The following HDAC9 variants were observed in gnomAD, a reference collection of about 807,000 sequenced individuals.
HDAC9 encodes the protein MEF-2 interacting transcription repressor (MITR) protein.
A neutral mutation model predicts 139.4 loss-of-function variants in HDAC9; 41 were observed. The ratio of observed to expected loss-of-function variants is 0.29; its 90% confidence interval spans 0.23 to 0.38. HDAC9 has a LOEUF of 0.38. Among genes scored for constraint, HDAC9 ranks in the 10% least tolerant of loss-of-function variants. The pLI is 1.00. For missense variants in HDAC9, 1,147 were observed against 1,297.0 expected, an observed-to-expected ratio of 0.88 and a Z score of 1.78; for synonymous variants, 517 against 476.2, an observed-to-expected ratio of 1.09 and a Z score of -1.12.
chr7:18,405,167 A>G (rs1317141703), intron 1 of HDAC9, among the ~76,000 whole-genome samples: 7 of 152,222 alleles, frequency 4.6e-5, no homozygotes, highest in Non-Finnish European at 8.8e-5. Context: ...CAAAGTTATA[A>G]CAAAATAACA....
chr7:18,357,330 C>T (rs903546062), intron 1 of HDAC9, among the ~76,000 whole-genome samples: 9 of 152,068 alleles, frequency 5.9e-5, no homozygotes, highest in Admixed American at 6.5e-5. Flanking sequence ...TTAAAAAAAT[C>T]GTATTTGGGT....
intron 1 of HDAC9, among the ~76,000 whole-genome samples, chr7:18,301,831 T>G (rs1307108910): frequency 6.6e-6 from 1 of 152,226 alleles, no homozygotes; most frequent in African/African-American, 2.4e-5. Flanking sequence ...TCTTGTTAAT[T>G]AGATGTTCTC....
intron 1 of HDAC9, among the ~76,000 whole-genome samples, chr7:18,435,079 A>AAAAAAAAAC (rs1477121221): frequency 6.6e-6 from 1 of 151,430 alleles, no homozygotes; most frequent in African/African-American, 2.4e-5. Flanking sequence ...AAAAAAAAAA[A>AAAAAAAAAC]AAGAACAAGA....
At chr7:18,434,340 C>T (rs535822381) in intron 1 of HDAC9, among the ~76,000 whole-genome samples, 27 of 152,194 alleles carry the variant, frequency 1.8e-4, no homozygotes, top group African/African-American at 6.5e-4. Flanking sequence ...GGGCATAGGC[C>T]CTGGCAAAGA....
At chr7:18,846,884 G>C (rs1323752740) in intron 21 of HDAC9, among the ~76,000 whole-genome samples, 1 of 152,192 alleles carries the variant, frequency 6.6e-6, no homozygotes, top group Non-Finnish European at 1.5e-5. Context: ...AAACAGATAA[G>C]ATAATTGGCT....
intron 7 of HDAC9, among the ~76,000 whole-genome samples, chr7:18,629,898 A>G (rs568468664): frequency 1.3e-5 from 2 of 152,300 alleles, no homozygotes; most frequent in African/African-American, 4.8e-5. Context: ...ATTAAACTAC[A>G]TGGAACAGCA....
chr7:18,583,098 G>C (rs866279916), intron 2 of HDAC9, among the ~76,000 whole-genome samples: 5 of 152,052 alleles, frequency 3.3e-5, no homozygotes, highest in Admixed American at 6.5e-5. Context: ...AGTAGAAATT[G>C]TGTGCCATTT....
intron 2 of HDAC9, among the ~76,000 whole-genome samples, chr7:18,576,561 C>G (rs982127416): frequency 6.6e-6 from 1 of 150,872 alleles, no homozygotes; most frequent in South Asian, 2.1e-4. Context: ...ACTCGGGAGG[C>G]TGATGCAGGA....
chr7:18,343,119 GAC>G (rs771850318), intron 1 of HDAC9, among the ~76,000 whole-genome samples: 1 of 151,774 alleles, frequency 6.6e-6, no homozygotes, highest in Non-Finnish European at 1.5e-5. Context: ...TGTCAAGGAA[GAC>G]ACACATTTAT....
intron 21 of HDAC9, among the ~76,000 whole-genome samples, chr7:18,871,055 A>G (rs969168933): frequency 6.6e-6 from 1 of 152,090 alleles, no homozygotes; most frequent in Non-Finnish European, 1.5e-5. Context: ...CAATTCTTCT[A>G]CATTTATTAG....
chr7:18,785,768 G>T (rs996174625), intron 16 of HDAC9, among the ~76,000 whole-genome samples: 2 of 151,862 alleles, frequency 1.3e-5, no homozygotes, highest in African/African-American at 2.4e-5. Flanking sequence ...ATTACTATGG[G>T]CTAACAGCTC....
At chr7:18,617,188 A>C (rs78995120) in intron 6 of HDAC9, among the ~76,000 whole-genome samples, 221 of 152,202 alleles carry the variant, frequency 1.5e-3, no homozygotes, top group East Asian at 0.012. Flanking sequence ...TGATTCCATC[A>C]TACTCCTGTC....
intron 2 of HDAC9, among the ~76,000 whole-genome samples, chr7:18,497,650 G>A (rs1023870579): frequency 6.6e-6 from 1 of 152,072 alleles, no homozygotes; most frequent in Non-Finnish European, 1.5e-5. Context: ...AGCTGACAAG[G>A]GCTCCGGGAG....
intron 2 of HDAC9, among the ~76,000 whole-genome samples, chr7:18,247,534 A>G (rs547871589): frequency 6.6e-6 from 1 of 152,246 alleles, no homozygotes; most frequent in South Asian, 2.1e-4. Flanking sequence ...AGGGAAAATG[A>G]AAAGAGGAGA....
chr7:18,510,340 A>G (rs904124490), intron 2 of HDAC9, among the ~76,000 whole-genome samples: 1 of 152,214 alleles, frequency 6.6e-6, no homozygotes, highest in African/African-American at 2.4e-5. Context: ...GAAATAGCTA[A>G]TTTAAGACTG....
chr7:18,563,792 A>C (rs1340381324), intron 2 of HDAC9, among the ~76,000 whole-genome samples: 1 of 149,200 alleles, frequency 6.7e-6, no homozygotes, highest in Non-Finnish European at 1.5e-5. Context: ...TGTGCACAAC[A>C]TGCAGGTTTG....
chr7:18,929,952 T>C (rs923236851), intron 22 of HDAC9, among the ~76,000 whole-genome samples: 8 of 147,422 alleles, frequency 5.4e-5, no homozygotes, highest in African/African-American at 1.7e-4. Flanking sequence ...AAAAAAAATA[T>C]CTGAAACAAT....
At chr7:18,133,196 T>A (rs560610798) in intron 1 of HDAC9, among the ~76,000 whole-genome samples, 2 of 152,252 alleles carry the variant, frequency 1.3e-5, no homozygotes, top group South Asian at 4.1e-4. Context: ...GAACTCTGGC[T>A]CAAAATAGAA....
At chr7:18,557,857 C>T (rs1181062583) in intron 2 of HDAC9, among the ~76,000 whole-genome samples, 1 of 151,608 alleles carries the variant, frequency 6.6e-6, no homozygotes, top group African/African-American at 2.4e-5. Flanking sequence ...TGAATTTCAG[C>T]ATGTACTAAC....
Sources: gnomAD v4.1 joint callset for allele counts (sites outside exome capture counted in the v4.1 genomes callset) on GRCh38, gnomAD v4.1.1 for gene constraint, MANE v1.5 for transcripts, NCBI Gene and HGNC (gene_info 2026-07-23, HGNC 2026-07-21) for gene names.